Variants in TMEM253 observed in about 807,000 individuals in gnomAD.
The protein encoded by TMEM253 is transmembrane protein C14orf176.
A neutral mutation model predicts 20.3 loss-of-function variants in TMEM253; 22 were observed. The observed-to-expected ratio is 1.08, with a 90% confidence interval of 0.78 to 1.55. The LOEUF is 1.55. Among genes scored for constraint, TMEM253 ranks in the 40% most tolerant of loss-of-function variants. The pLI is 0.00. For synonymous variants in TMEM253, 92 were observed against 102.6 expected, an observed-to-expected ratio of 0.90 and a Z score of 0.62; for missense variants, 251 against 266.1, an observed-to-expected ratio of 0.94 and a Z score of 0.39.
rs1434467328 is a variant in TMEM253, at chr14:21,101,956, C to T, written c.200C>T (p.Pro67Leu). The stretch of plus-strand genomic sequence containing the variant: ...GATTGTCACATGGCCACAGCGCTGC[C>T]TCTTGGGCCTGGAGCCTCAGTAAGA... Residue 67 changes from proline to leucine, a missense_variant, in exon 3 of 7, where the codon CCT becomes CTT. Physicochemically the swap from Pro to Leu is moderately conservative, Grantham distance 98 (BLOSUM62 -3). Transcript: ENST00000556585. 2.6e-6 allele frequency: 4 copies of T among 1,551,698 alleles called. No homozygotes were observed. In the South Asian group the frequency reaches 4.8e-5, roughly 18 times the overall value.
At chr14:21,102,205 G>C in intron 4 of TMEM253, 85 bp downstream of exon 4, 1 of 1,470,304 alleles carries the variant, frequency 6.8e-7, no homozygotes. Context: ...AAGTGGCTAA[G>C]TGTTGACTCA....
exon 6 of TMEM253, chr14:21,102,746 G>T: frequency 6.4e-7 from 1 of 1,551,090 alleles, no homozygotes. Flanking sequence ...GATGCTGCAG[G>T]AGCCAGAGTC....
chr14:21,102,335 G>A, intron 4 of TMEM253, 70 bp from the exon 5 acceptor site: 1 of 1,519,932 alleles, frequency 6.6e-7, no homozygotes, highest in African/African-American at 1.4e-5. Context: ...TCTTCAGCTA[G>A]GCTGCAAGTG....
At chr14:21,102,287 G>A in intron 4 of TMEM253, 118 bp from the exon 5 acceptor site, 3 of 1,419,638 alleles carry the variant, frequency 2.1e-6, no homozygotes, top group Non-Finnish European at 2.9e-6. Flanking sequence ...AGGGCTTATG[G>A]CCCTGTTTGG....
upstream of TMEM253, among the ~76,000 whole-genome samples, chr14:21,099,686 T>C (rs1889517582): frequency 6.6e-6 from 1 of 152,206 alleles, no homozygotes; most frequent in Non-Finnish European, 1.5e-5. Flanking sequence ...GCCACTAACA[T>C]TGAGCACTTG....
chr14:21,098,930 G>A, upstream of TMEM253: 3 of 1,097,728 alleles, frequency 2.7e-6, no homozygotes, highest in African/African-American at 1.6e-5. Flanking sequence ...TTTGGGGGAG[G>A]AGGAGGGGCG....
chr14:21,101,687 A>G, intron 2 of TMEM253, 178 bp from the exon 3 acceptor site: 1 of 652,540 alleles, frequency 1.5e-6, no homozygotes, highest in Admixed American at 2.9e-5. Flanking sequence ...AAACTACAAT[A>G]TGAGGCAGAA....
chr14:21,101,940 A>C (rs1407582301), exon 3 of TMEM253: 1 of 1,551,492 alleles, frequency 6.4e-7, no homozygotes, highest in Non-Finnish European at 8.7e-7. Context: ...TGATTGTCAC[A>C]TGGCCACAGC....
intron 6 of TMEM253, 33 bp downstream of exon 6, chr14:21,102,812 A>G (rs1263055380): frequency 6.5e-7 from 1 of 1,540,974 alleles, no homozygotes. Context: ...ACGAATAGCT[A>G]GCTGCCAACT....
upstream of TMEM253, among the ~76,000 whole-genome samples, chr14:21,100,071 A>G (rs138823022): frequency 2.6e-5 from 4 of 152,272 alleles, no homozygotes; most frequent in East Asian, 7.7e-4. Flanking sequence ...GTAGAAAAAC[A>G]TATCTATCAG....
chr14:21,102,467 C>T lies in TMEM253; in HGVS notation c.339C>T (p.Val113=), dbSNP rs534149594. The stretch of plus-strand genomic sequence containing the variant: ...TCTTGGGTTTCATAGTGGTGGTGGT[C>T]GAGGTGATGAAGACAGCCTTGGGGC... Residue 113 remains valine, a synonymous_variant, in exon 5 of 7, where the codon GTC becomes GTT. Coordinates refer to ENST00000556585, the Ensembl canonical transcript of TMEM253. The T allele has an allele frequency of 2.4e-4, 378 of 1,551,594 alleles. 5 individuals are homozygous for T. In the South Asian group the frequency reaches 4.2e-3, roughly 17 times the overall value.
chr14:21,102,372 A>T, intron 4 of TMEM253, 33 bp from the exon 5 acceptor site: 1 of 1,550,398 alleles, frequency 6.4e-7, no homozygotes, highest in African/African-American at 1.4e-5. Context: ...TGACTCCCCT[A>T]GGCTGGGCAG....
chr14:21,101,573 T>C (rs767464826), intron 2 of TMEM253, 122 bp downstream of exon 2: 32 of 911,846 alleles, frequency 3.5e-5, no homozygotes, highest in Non-Finnish European at 5.0e-5. Context: ...AGCTAGGTTC[T>C]GAATGGGAGG....
intron 4 of TMEM253, 67 bp from the exon 5 acceptor site, chr14:21,102,338 T>G (rs769855689): frequency 1.0e-4 from 159 of 1,524,954 alleles, no homozygotes; most frequent in Middle Eastern, 1.8e-4. Flanking sequence ...TCAGCTAGGC[T>G]GCAAGTGGGG....
chr14:21,102,608 C>A (rs1889716846), intron 5 of TMEM253, 25 bp from the exon 6 acceptor site: 1 of 1,551,096 alleles, frequency 6.4e-7, no homozygotes. Context: ...GGGGTCCCTG[C>A]ATTCTCAGCC....
upstream of TMEM253, among the ~76,000 whole-genome samples, chr14:21,100,369 T>TATAATA (rs3061999): frequency 0.29 from 43,011 of 149,188 alleles, 7,347 homozygotes; most frequent in East Asian, 0.43. Flanking sequence ...GTCTCAATAA[T>TATAATA]ATAATAATAA....
At chr14:21,098,866 A>G (rs1397902443), upstream of TMEM253, 1 of 1,285,292 alleles carries the variant, frequency 7.8e-7, no homozygotes, top group African/African-American at 1.5e-5. Flanking sequence ...AGACTCGGGA[A>G]GTTCTTCCTG....
exon 6 of TMEM253, chr14:21,102,642 T>G: frequency 1.3e-6 from 2 of 1,551,526 alleles, no homozygotes. Context: ...GCATGCTGGC[T>G]TGCTGGTGCT....
At chr14:21,099,562 G>T (rs1347398495), upstream of TMEM253, among the ~76,000 whole-genome samples, 1 of 152,216 alleles carries the variant, frequency 6.6e-6, no homozygotes, top group Non-Finnish European at 1.5e-5. Context: ...GCTTACAAAA[G>T]ATCACTTGCC....
Sources: allele counts gnomAD v4.1 joint callset (sites outside exome capture counted in the v4.1 genomes callset), GRCh38; gene constraint gnomAD v4.1.1; transcripts MANE v1.5; gene names NCBI Gene and HGNC (gene_info 2026-07-23, HGNC 2026-07-21).